GALNT13: variants seen among roughly 807,000 people sequenced by gnomAD.
GALNT13 encodes the protein UDP-GalNAc:polypeptide N-acetylgalactosaminyltransferase 13.
Under a neutral mutation model 64.2 loss-of-function variants are expected in GALNT13, and 28 were observed. That is an observed-to-expected ratio of 0.44 (90% confidence interval 0.32 to 0.60). GALNT13 has a LOEUF of 0.60. Among genes scored for constraint, GALNT13 ranks in the 20% least tolerant of loss-of-function variants. The pLI is 0.05. For synonymous variants in GALNT13, 214 were observed against 224.6 expected (o/e 0.95, Z 0.42); for missense variants, 577 against 669.8 (o/e 0.86, Z 1.53).
At chr2:153,801,104 T>C in the GALNT13 span, among the ~76,000 whole-genome samples, 2 of 152,168 alleles carry the variant, frequency 1.3e-5, no homozygotes, top group Non-Finnish European at 2.9e-5. Context: ...TAGGGCTGTG[T>C]TCTGGATTAA....
chr2:154,348,205 C>T (rs752201045), intron 9 of GALNT13, among the ~76,000 whole-genome samples: 16 of 152,178 alleles, frequency 1.1e-4, no homozygotes, highest in South Asian at 2.1e-4. Flanking sequence ...TAACTCCTGG[C>T]GCTTAACCAC....
the GALNT13 span, among the ~76,000 whole-genome samples, chr2:153,193,347 C>G: frequency 1.2e-4 from 18 of 147,640 alleles, no homozygotes; most frequent in South Asian, 2.1e-4. Context: ...ATCGCAAGAA[C>G]AAAAAACCAA....
intron 9 of GALNT13, among the ~76,000 whole-genome samples, chr2:154,303,143 C>T (rs563872077): frequency 1.3e-5 from 2 of 151,208 alleles, no homozygotes; most frequent in African/African-American, 2.5e-5. Flanking sequence ...GGGACACACA[C>T]GAGGAGTTTA....
the GALNT13 span, among the ~76,000 whole-genome samples, chr2:153,594,725 C>T: frequency 6.6e-6 from 1 of 152,026 alleles, no homozygotes; most frequent in Admixed American, 6.6e-5. Flanking sequence ...CAAGCGGGTC[C>T]CCTGACTGTT....
intron 4 of GALNT13, among the ~76,000 whole-genome samples, chr2:154,181,493 A>G (rs916762864): frequency 4.6e-5 from 7 of 152,130 alleles, no homozygotes; most frequent in African/African-American, 1.4e-4. Flanking sequence ...TAAAGTGAGT[A>G]TGTATTTTCC....
At chr2:153,867,101 C>G (rs1685780542), upstream of GALNT13, among the ~76,000 whole-genome samples, 1 of 152,136 alleles carries the variant, frequency 6.6e-6, no homozygotes, top group South Asian at 2.1e-4. Flanking sequence ...AATAACAAAT[C>G]AACTATATAT....
At chr2:153,293,223 T>G in the GALNT13 span, among the ~76,000 whole-genome samples, 1 of 152,160 alleles carries the variant, frequency 6.6e-6, no homozygotes, top group East Asian at 1.9e-4. Context: ...CGTAAATAGG[T>G]TACTTCATAT....
the GALNT13 span, among the ~76,000 whole-genome samples, chr2:153,166,680 G>A: frequency 2.4e-4 from 32 of 134,618 alleles, no homozygotes; most frequent in East Asian, 6.1e-3. Context: ...TGATGGGACT[G>A]TTTTCCTTGG....
intron 9 of GALNT13, among the ~76,000 whole-genome samples, chr2:154,350,110 A>C (rs953957658): frequency 3.3e-5 from 5 of 152,238 alleles, no homozygotes; most frequent in Non-Finnish European, 5.9e-5. Flanking sequence ...TAGTTTATTC[A>C]TTTGTGCATT....
the GALNT13 span, among the ~76,000 whole-genome samples, chr2:153,293,783 G>C: frequency 3.5e-3 from 433 of 124,548 alleles, 5 homozygotes; most frequent in African/African-American, 0.014. Context: ...GTGTGTGTGT[G>C]TGTGTGTGTC....
At chr2:153,537,624 A>G in the GALNT13 span, among the ~76,000 whole-genome samples, 1 of 152,150 alleles carries the variant, frequency 6.6e-6, no homozygotes, top group African/African-American at 2.4e-5. Context: ...TGTAGTTCTC[A>G]TAATCCCTAA....
chr2:154,043,106 G>T lies in GALNT13; in HGVS notation c.143-97231G>T, dbSNP rs117663620. Among the ~76,000 whole-genome samples, 43 of 152,160 alleles carry T rather than the reference G, an allele frequency of 2.8e-4. 1 individual carries two copies. The East Asian group carries it at 8.1e-3, about 29-fold the overall frequency. ...ACATCATATGCAAAGGCCCTGTGATGATGACAGCAGTAGTCTTTGAAGAAA... is the reference window on the plus strand; with the variant it reads ...ACATCATATGCAAAGGCCCTGTGATTATGACAGCAGTAGTCTTTGAAGAAA... On this transcript the variant is annotated intron_variant, in intron 3 of 12. Coordinates refer to ENST00000392825, the MANE Select transcript of GALNT13 (RefSeq NM_052917.4).
chr2:153,559,842 A>AATAGGG, the GALNT13 span, among the ~76,000 whole-genome samples: 1 of 152,048 alleles, frequency 6.6e-6, no homozygotes, highest in Admixed American at 6.6e-5. Context: ...CAGTAAGAAA[A>AATAGGG]ATAGGGTAAG....
chr2:153,648,478 C>G, the GALNT13 span, among the ~76,000 whole-genome samples: 1 of 152,046 alleles, frequency 6.6e-6, no homozygotes, highest in Non-Finnish European at 1.5e-5. Context: ...GCCTGATTGC[C>G]CTGGTCAGAA....
the GALNT13 span, among the ~76,000 whole-genome samples, chr2:153,836,858 T>A: frequency 6.6e-6 from 1 of 152,098 alleles, no homozygotes; most frequent in African/African-American, 2.4e-5. Flanking sequence ...TATGGCTGCA[T>A]AGTATTCCGT....
At chr2:153,833,860 A>C in the GALNT13 span, among the ~76,000 whole-genome samples, 1 of 152,096 alleles carries the variant, frequency 6.6e-6, no homozygotes, top group East Asian at 1.9e-4. Context: ...GTCTCAAAAT[A>C]TGGTGGTAGC....
At chr2:154,017,558 A>G (rs1697093854) in intron 3 of GALNT13, among the ~76,000 whole-genome samples, 1 of 152,164 alleles carries the variant, frequency 6.6e-6, no homozygotes, top group Non-Finnish European at 1.5e-5. Context: ...AACATTGAGA[A>G]ATTTACATAT....
chr2:153,456,454 A>C, the GALNT13 span, among the ~76,000 whole-genome samples: 1 of 152,314 alleles, frequency 6.6e-6, no homozygotes, highest in African/African-American at 2.4e-5. Context: ...TATGTGGCTG[A>C]GCATTGATAA....
the GALNT13 span, among the ~76,000 whole-genome samples, chr2:153,661,611 A>G: frequency 1.3e-5 from 2 of 152,176 alleles, no homozygotes; most frequent in African/African-American, 4.8e-5. Flanking sequence ...TTTTCCATGA[A>G]GATACGGGCA....
Sources: gnomAD v4.1 joint callset for allele counts (sites outside exome capture counted in the v4.1 genomes callset) on GRCh38, gnomAD v4.1.1 for gene constraint, MANE v1.5 for transcripts, NCBI Gene and HGNC (gene_info 2026-07-23, HGNC 2026-07-21) for gene names.